Variants in BBX observed in about 807,000 individuals in gnomAD.
BBX encodes HMG box transcription factor BBX.
In BBX, 30 loss-of-function variants were observed where a neutral mutation model predicts 100.2. The ratio of observed to expected loss-of-function variants is 0.30; its 90% CI spans 0.22 to 0.41. The LOEUF is 0.41. Ranked by LOEUF, BBX falls within the 10% of genes least tolerant of loss-of-function variation. BBX has a pLI of 1.00. For missense variants in BBX, 1,023 were observed against 1,129.8 expected, an observed-to-expected ratio of 0.91 and a Z score of 1.35; for synonymous variants, 376 against 388.1, an observed-to-expected ratio of 0.97 and a Z score of 0.37.
rs1240390780 is a variant in BBX, at chr3:107,692,416, A to G, written c.-9-18036A>G. ...TGTGTCCATGTGTTCTCATTGTTCAATTCCCACCTATGAGTGAGAACATGC... is the reference window on the plus strand; with the variant it reads ...TGTGTCCATGTGTTCTCATTGTTCAGTTCCCACCTATGAGTGAGAACATGC... On this transcript the variant is annotated intron_variant, in intron 3 of 17. Coordinates refer to ENST00000325805, the MANE Select transcript of BBX (RefSeq NM_001142568.3). Among the ~76,000 whole-genome samples the G allele has an allele frequency of 8.6e-5, 13 of 151,600 alleles. No individual in the cohort carries two copies. In the East Asian group the frequency reaches 1.6e-3, roughly 18 times the overall value.
chr3:107,643,009 C>T (rs770168479), intron 2 of BBX, among the ~76,000 whole-genome samples: 1 of 152,134 alleles, frequency 6.6e-6, no homozygotes, highest in Admixed American at 6.5e-5. Flanking sequence ...ATCGTTACCT[C>T]GGAGTCCCTT....
intron 10 of BBX, among the ~76,000 whole-genome samples, chr3:107,764,505 A>G (rs1397638777): frequency 2.0e-5 from 3 of 152,238 alleles, no homozygotes; most frequent in African/African-American, 7.2e-5. Context: ...GTTATAAAAA[A>G]ATAAAGTAGT....
Position 107,716,794 on chromosome 3 carries a change from G to A in BBX, c.350G>A (p.Trp117Ter). The change falls in exon 5 of 18, where the codon TGG becomes TAG. Residue 117 changes from tryptophan (W) to a stop codon, truncating the protein, a stop_gained. Transcript: ENST00000325805. LOFTEE classifies it high-confidence loss of function. ...NRGATKILAD[W>*]WAVLDPKEKQ... The stretch of plus-strand genomic sequence containing the variant: ...GGTGCTACCAAGATACTAGCTGATT[G>A]GTGGGCTGTTCTTGATCCAAAGGAA... The A allele has an allele frequency of 6.2e-7, 1 of 1,613,674 alleles. No homozygotes were observed. Among genetic ancestry groups the A allele is most frequent in the South Asian group, 1.1e-5 (1 of 91,068 alleles).
chr3:107,701,827 G>A (rs60326795), intron 3 of BBX, among the ~76,000 whole-genome samples: 40,699 of 143,364 alleles, frequency 0.28, 7,196 homozygotes, highest in East Asian at 0.91. Context: ...AAAAAAAAAA[G>A]GGGATAATAG....
At chr3:107,629,279 A>T (rs1334060155) in intron 2 of BBX, among the ~76,000 whole-genome samples, 1 of 152,228 alleles carries the variant, frequency 6.6e-6, no homozygotes, top group Non-Finnish European at 1.5e-5. Context: ...AAAGCAAACA[A>T]CTTCCTTACA....
intron 2 of BBX, among the ~76,000 whole-genome samples, chr3:107,537,349 A>C (rs2048570296): frequency 6.6e-6 from 1 of 152,240 alleles, no homozygotes; most frequent in Non-Finnish European, 1.5e-5. Context: ...AATAGATAGT[A>C]AGTTTGAGCT....
At chr3:107,586,166 T>G (rs2052819928) in intron 2 of BBX, among the ~76,000 whole-genome samples, 1 of 152,210 alleles carries the variant, frequency 6.6e-6, no homozygotes, top group Admixed American at 6.5e-5. Flanking sequence ...ATCATTCTCT[T>G]AACAGTAATC....
At chr3:107,613,227 G>A (rs1429182015) in intron 2 of BBX, among the ~76,000 whole-genome samples, 2 of 147,436 alleles carry the variant, frequency 1.4e-5, no homozygotes, top group African/African-American at 2.5e-5. Context: ...TCGCTCTGTC[G>A]CCCAGGCTGG....
chr3:107,578,689 A>G (rs937859837), intron 2 of BBX, among the ~76,000 whole-genome samples: 3 of 152,086 alleles, frequency 2.0e-5, no homozygotes, highest in African/African-American at 7.2e-5. Flanking sequence ...CTCCATCTGC[A>G]GGAAGGAGAA....
rs542555765 is a variant in BBX, at chr3:107,664,249, A to G, written c.-10+18340A>G. On this transcript the variant is annotated intron_variant, in intron 3 of 17. Transcript: ENST00000325805. ...TTCAGGAGTTGAATTGTTAGGTGAT[A>G]GGATATGCCCAACCTGAAATTCCAC... Among the ~76,000 whole-genome samples, 11 of 152,300 alleles carry G rather than the reference A, an allele frequency of 7.2e-5. No individual in the cohort carries two copies. In the South Asian group the frequency reaches 2.1e-3, roughly 29 times the overall value.
intron 2 of BBX, among the ~76,000 whole-genome samples, chr3:107,639,167 A>T (rs1436341086): frequency 1.3e-5 from 2 of 152,148 alleles, no homozygotes; most frequent in African/African-American, 4.8e-5. Context: ...ATGACTTTGG[A>T]CTAAATTTTT....
chr3:107,785,084 A>G (rs1043917880), intron 13 of BBX, among the ~76,000 whole-genome samples: 1 of 151,750 alleles, frequency 6.6e-6, no homozygotes, highest in South Asian at 2.1e-4. Flanking sequence ...TCCTAAAAAG[A>G]CACAAACTAC....
In BBX at chr3:107,808,920, A is replaced by G. The variant is rs1189499248; in HGVS notation, c.*3463A>G. 6.6e-6 allele frequency: 1 copy of G among 152,216 alleles called. No homozygotes were observed. Among genetic ancestry groups the G allele is most frequent in the South Asian group, 2.1e-4 (1 of 4,834 alleles). 9.4% of individuals were successfully genotyped at this position (152,216 alleles called of 1,614,324 possible). A position where few individuals can be genotyped will look rare whatever the true frequency, so the allele number is the denominator to read the frequency against. On this transcript the variant is annotated 3_prime_UTR_variant, in exon 18 of 18. Transcript: ENST00000325805. ...AAATAATTCCCACGTTATCATTGTG[A>G]TTCTACTTCCTGCCACTAAAATTGC...
intron 2 of BBX, among the ~76,000 whole-genome samples, chr3:107,558,709 C>A (rs1277305191): frequency 1.3e-5 from 2 of 152,154 alleles, no homozygotes; most frequent in African/African-American, 4.8e-5. Flanking sequence ...TGGGACATTA[C>A]ACTGAGTTAC....
intron 7 of BBX, among the ~76,000 whole-genome samples, chr3:107,735,843 AATAG>A (rs1304382546): frequency 2.0e-5 from 3 of 152,006 alleles, no homozygotes; most frequent in African/African-American, 7.2e-5. Flanking sequence ...AATCTACAAT[AATAG>A]ATTTTTTGCA....
rs1372043448 is a variant in BBX at position 107,584,064 on chromosome 3, C to T, written c.-84+57666C>T. On this transcript the variant is annotated intron_variant, in intron 2 of 17. Coordinates refer to ENST00000325805, the MANE Select transcript of BBX (RefSeq NM_001142568.3). Reference sequence around the variant, plus strand: ...TATATATTATATATATTATATATATCATATATTATATATATTATATATATC... The same window carrying T: ...TATATATTATATATATTATATATATTATATATTATATATATTATATATATC... 9.7e-3 allele frequency among the ~76,000 whole-genome samples: 99 copies of T among 10,208 alleles called. 4 individuals carry two copies. Among genetic ancestry groups the T allele is most frequent in the African/African-American group, 0.03 (66 of 2,168 alleles). The allele number at this position is 10,208 out of a possible 152,430, so 6.7% of individuals were successfully genotyped here. A position where few individuals can be genotyped will look rare whatever the true frequency, so the allele number is the denominator to read the frequency against.
At chr3:107,674,398 A>G (rs1440280038) in intron 3 of BBX, among the ~76,000 whole-genome samples, 1 of 152,150 alleles carries the variant, frequency 6.6e-6, no homozygotes, top group East Asian at 1.9e-4. Context: ...TAACATAAAA[A>G]GACCTCCTTT....
At position 107,772,684 on chromosome 3, in the gene BBX, A is replaced by G; in HGVS notation, c.963A>G (p.Lys321=). The G allele has an allele frequency of 6.2e-7, 1 of 1,602,040 alleles. No homozygotes were observed. The highest frequency in any genetic ancestry group is 8.5e-7 in the Non-Finnish European group (1 of 1,177,254). ...KMEESKLIKA[K]ESDGGRIKEL... The stretch of plus-strand genomic sequence containing the variant: ...AAGAATCAAAGCTAATAAAAGCAAA[A>G]GAATCCGATGGTGGAAGAATTAAAG... The change falls in exon 11 of 18, where the codon AAA becomes AAG. Residue 321 remains lysine (K), a synonymous_variant. Coordinates refer to ENST00000325805, the MANE Select transcript of BBX (RefSeq NM_001142568.3).
At chr3:107,535,070 G>A (rs1250082382) in intron 2 of BBX, among the ~76,000 whole-genome samples, 1 of 152,198 alleles carries the variant, frequency 6.6e-6, no homozygotes, top group African/African-American at 2.4e-5. Flanking sequence ...ATCTCAGGTT[G>A]AATAACTTGT....
Sources: allele counts gnomAD v4.1 joint callset (sites outside exome capture counted in the v4.1 genomes callset), GRCh38; gene constraint gnomAD v4.1.1; transcripts MANE v1.5; gene names NCBI Gene and HGNC (gene_info 2026-07-23, HGNC 2026-07-21).